Variants in GFOD2 observed in about 807,000 individuals in gnomAD.
GFOD2 encodes glucose-fructose oxidoreductase domain-containing protein 2.
A neutral mutation model predicts 24.6 loss-of-function variants in GFOD2; 9 were observed. That is an observed-to-expected ratio of 0.37 (90% CI 0.22 to 0.64). The LOEUF is 0.64. Ranked by LOEUF, GFOD2 falls within the 30% of genes least tolerant of loss-of-function variation. The pLI is 0.65. For synonymous variants in GFOD2, 211 were observed against 224.8 expected (o/e 0.94, Z 0.55); for missense variants, 476 against 532.5 (o/e 0.89, Z 1.04).
At chr16:67,696,478 A>AT (rs1240785839) in intron 1 of GFOD2, among the ~76,000 whole-genome samples, 1 of 150,662 alleles carries the variant, frequency 6.6e-6, no homozygotes, top group Non-Finnish European at 1.5e-5. Flanking sequence ...ATGGACTAGA[A>AT]TTTTTTTTCT....
intron 2 of GFOD2, chr16:67,683,461 G>A: frequency 8.1e-7 from 1 of 1,231,186 alleles, no homozygotes; most frequent in Non-Finnish European, 1.0e-6. Context: ...GAACCAACTT[G>A]CTGCTAAAGT....
At chr16:67,712,889 G>T (rs1486387274) in intron 1 of GFOD2, among the ~76,000 whole-genome samples, 3 of 111,994 alleles carry the variant, frequency 2.7e-5, no homozygotes. Flanking sequence ...GAGCGTCTCT[G>T]CCCGGCCGCC....
At chr16:67,708,908 G>T (rs2053455467) in intron 1 of GFOD2, among the ~76,000 whole-genome samples, 2 of 152,022 alleles carry the variant, frequency 1.3e-5, no homozygotes, top group Non-Finnish European at 1.5e-5. Flanking sequence ...ATTTTTCTGT[G>T]AATTCTTTTC....
At chr16:67,709,865 T>G (rs2053461488) in intron 1 of GFOD2, among the ~76,000 whole-genome samples, 1 of 152,174 alleles carries the variant, frequency 6.6e-6, no homozygotes, top group Admixed American at 6.5e-5. Context: ...TGTCCTCAAG[T>G]GATCCGCCCG....
At chr16:67,701,236 G>A (rs75621978) in intron 1 of GFOD2, among the ~76,000 whole-genome samples, 51 of 152,120 alleles carry the variant, frequency 3.4e-4, no homozygotes, top group African/African-American at 1.2e-3. Flanking sequence ...ACACAACCTA[G>A]CAATCCTACT....
chr16:67,713,384 T>G (rs2142997854), intron 1 of GFOD2, among the ~76,000 whole-genome samples: 1 of 152,212 alleles, frequency 6.6e-6, no homozygotes, highest in Middle Eastern at 3.4e-3. Context: ...CCTGCTGGTG[T>G]CCTTCAATTC....
intron 1 of GFOD2, among the ~76,000 whole-genome samples, chr16:67,707,414 G>C (rs2053446667): frequency 6.6e-6 from 1 of 151,324 alleles, no homozygotes; most frequent in Non-Finnish European, 1.5e-5. Context: ...TGCGGCAAAT[G>C]GAACTCCCAT....
chr16:67,684,732 G>C (rs1567655122), intron 2 of GFOD2: 2 of 976,556 alleles, frequency 2.0e-6, no homozygotes, highest in Non-Finnish European at 2.4e-6. Context: ...AATGTTTACT[G>C]GTTTGTTTAC....
chr16:67,706,231 C>T (rs2053438437), intron 1 of GFOD2, among the ~76,000 whole-genome samples: 1 of 152,012 alleles, frequency 6.6e-6, no homozygotes, highest in Non-Finnish European at 1.5e-5. Context: ...CCTGCCTCGG[C>T]CTCCCAAAGT....
chr16:67,683,020 G>GA, intron 2 of GFOD2: 1 of 277,880 alleles, frequency 3.6e-6, no homozygotes, highest in Non-Finnish European at 5.5e-6. Context: ...AAGCTGGAGT[G>GA]CATGATCACT....
At chr16:67,688,731 T>G (rs2053286590) in intron 1 of GFOD2, among the ~76,000 whole-genome samples, 1 of 149,862 alleles carries the variant, frequency 6.7e-6, no homozygotes, top group Non-Finnish European at 1.5e-5. Flanking sequence ...TACATAAAAT[T>G]TACTTTTTTT....
intron 1 of GFOD2, among the ~76,000 whole-genome samples, chr16:67,702,592 ATTT>A (rs561204882): frequency 0.07 from 7,254 of 103,568 alleles, 165 homozygotes; most frequent in Middle Eastern, 0.19. Context: ...GGTAGCCAGG[ATTT>A]TTTTTTTTTT....
chr16:67,699,708 T>TC (rs1301283088), intron 1 of GFOD2, among the ~76,000 whole-genome samples: 1 of 151,438 alleles, frequency 6.6e-6, no homozygotes. Context: ...GGTCTCAAAC[T>TC]CCTGGCCTCA....
rs184838133 is a variant in GFOD2, at chr16:67,679,271, C to A, written c.260-3218G>T. On this transcript the variant is annotated intron_variant, in intron 2 of 2. Coordinates refer to ENST00000268797, the MANE Select transcript of GFOD2 (RefSeq NM_030819.4). Reference sequence around the variant, plus strand: ...TTTTGAGACAGAGTTTTGCTCTTGTCGCCCAGGCTGGAGTGCAATGGTACG... The same window carrying A: ...TTTTGAGACAGAGTTTTGCTCTTGTAGCCCAGGCTGGAGTGCAATGGTACG... Among the ~76,000 whole-genome samples the A allele has an allele frequency of 2.1e-3, 300 of 141,172 alleles. 4 individuals carry two copies. Among genetic ancestry groups the A allele is most frequent in the Middle Eastern group, 0.021 (5 of 238 alleles). The allele number at this position is 141,172 out of a possible 152,430, so 92.6% of individuals were successfully genotyped here. A position where few individuals can be genotyped will look rare whatever the true frequency, so the allele number is the denominator to read the frequency against.
In GFOD2 at chr16:67,675,150, C is replaced by T. The variant is rs759968429; in HGVS notation, c.*5G>A. 5 of 1,603,854 alleles carry T rather than the reference C, an allele frequency of 3.1e-6. No individual in the cohort carries two copies. Among genetic ancestry groups the T allele is most frequent in the South Asian group, 1.1e-5 (1 of 89,612 alleles). Reference sequence around the variant, plus strand: ...TGCCCTGTGGCAAGGAGCCCAGGTGCAGGCTCATAGGTTGTTCCGCTGAAG... The same window carrying T: ...TGCCCTGTGGCAAGGAGCCCAGGTGTAGGCTCATAGGTTGTTCCGCTGAAG... On this transcript the variant is annotated 3_prime_UTR_variant, in exon 3 of 3. Coordinates refer to ENST00000268797, the MANE Select transcript of GFOD2 (RefSeq NM_030819.4).
intron 2 of GFOD2, chr16:67,683,504 G>C: frequency 8.1e-7 from 1 of 1,231,582 alleles, no homozygotes; most frequent in Non-Finnish European, 1.0e-6. Context: ...ATTCAATCTG[G>C]GAGCCACCAT....
chr16:67,714,579 G>A (rs1185402585), intron 1 of GFOD2, among the ~76,000 whole-genome samples: 3 of 151,962 alleles, frequency 2.0e-5, no homozygotes, highest in Non-Finnish European at 4.4e-5. Flanking sequence ...AAGATTTTGA[G>A]GTTATAAAGT....
chr16:67,717,631 A>C (rs1482223161), intron 1 of GFOD2, among the ~76,000 whole-genome samples: 1 of 152,164 alleles, frequency 6.6e-6, no homozygotes, highest in Non-Finnish European at 1.5e-5. Flanking sequence ...TCTCTACTAA[A>C]CATACAAAAA....
At chr16:67,688,620 T>G (rs2053285623) in intron 1 of GFOD2, among the ~76,000 whole-genome samples, 1 of 152,136 alleles carries the variant, frequency 6.6e-6, no homozygotes, top group Non-Finnish European at 1.5e-5. Flanking sequence ...CTGGTAACCC[T>G]AGACCCACTG....
Sources: allele counts gnomAD v4.1 joint callset (sites outside exome capture counted in the v4.1 genomes callset), GRCh38; gene constraint gnomAD v4.1.1; transcripts MANE v1.5; gene names NCBI Gene and HGNC (gene_info 2026-07-23, HGNC 2026-07-21).